ANK3: variants seen among roughly 807,000 people sequenced by gnomAD.
The protein encoded by ANK3 is ankyrin 3.
In ANK3, 57 loss-of-function variants were observed where a neutral mutation model predicts 370.9. The ratio of observed to expected loss-of-function variants is 0.15; its 90% confidence interval spans 0.12 to 0.19. The LOEUF is 0.19. Among genes scored for constraint, ANK3 ranks in the 10% least tolerant of loss-of-function variants. The probability of loss-of-function intolerance (pLI) is 1.00; values close to 1 mark genes in which losing one functional copy is unlikely to be tolerated. For missense variants in ANK3, 4,439 were observed against 5,302.1 expected (o/e 0.84, Z 5.06); for synonymous variants, 1,929 against 1,946.3 (o/e 0.99, Z 0.23).
intron 1 of ANK3, among the ~76,000 whole-genome samples, chr10:60,297,686 T>C (rs950070303): frequency 3.9e-5 from 6 of 152,158 alleles, no homozygotes; most frequent in African/African-American, 1.4e-4. Context: ...TAAATTCTTT[T>C]TGGTCTTACA....
chr10:60,304,255 AACACAC>A lies in ANK3; in HGVS notation c.115-24622_115-24617del, dbSNP rs55989975. On this transcript the variant is annotated intron_variant, in intron 1 of 43. Transcript: ENST00000280772. Reference sequence around the variant, plus strand: ...GAAAGGGTAGATCTTAATTGTTCATAACACACACACACACACACACACAGCAAAAAA... The same window carrying A: ...GAAAGGGTAGATCTTAATTGTTCATAACACACACACACACACAGCAAAAAA... Among the ~76,000 whole-genome samples, 119 of 150,252 alleles carry A rather than the reference AACACAC, an allele frequency of 7.9e-4. 1 individual carries two copies. The highest frequency in any genetic ancestry group is 2.8e-3 in the African/African-American group (114 of 40,958).
chr10:60,715,576 G>T (rs1473392973), intron 1 of ANK3, among the ~76,000 whole-genome samples: 2 of 151,908 alleles, frequency 1.3e-5, no homozygotes, highest in Admixed American at 6.6e-5. Context: ...CAGGCAGGAG[G>T]GTATATTTGG....
At chr10:60,415,803 A>G (rs1479322761) in intron 2 of ANK3, among the ~76,000 whole-genome samples, 1 of 152,056 alleles carries the variant, frequency 6.6e-6, no homozygotes, top group Non-Finnish European at 1.5e-5. Flanking sequence ...TTTAATGGGC[A>G]ATAGGTGCAT....
intron 2 of ANK3, among the ~76,000 whole-genome samples, chr10:60,534,573 TAC>T (rs1472464690): frequency 3.9e-5 from 6 of 152,128 alleles, no homozygotes; most frequent in African/African-American, 1.4e-4. Context: ...TACATCTCAT[TAC>T]TGTAGGGCAG....
intron 1 of ANK3, among the ~76,000 whole-genome samples, chr10:60,387,870 T>C (rs1054722953): frequency 6.6e-6 from 1 of 152,220 alleles, no homozygotes; most frequent in Non-Finnish European, 1.5e-5. Context: ...CGAAAACTGC[T>C]GTACATAAAC....
At chr10:60,672,757 A>G (rs1030465831) in intron 1 of ANK3, among the ~76,000 whole-genome samples, 2 of 152,254 alleles carry the variant, frequency 1.3e-5, no homozygotes, top group Admixed American at 1.3e-4. Context: ...TCAGAAGCAT[A>G]GGTGACAATC....
intron 8 of ANK3, among the ~76,000 whole-genome samples, chr10:60,232,283 G>A (rs923673657): frequency 5.9e-5 from 9 of 152,016 alleles, no homozygotes; most frequent in Non-Finnish European, 8.8e-5. Flanking sequence ...CTGTATATCC[G>A]GGCACCTCTT....
intron 2 of ANK3, among the ~76,000 whole-genome samples, chr10:60,555,659 T>G (rs939395668): frequency 6.6e-6 from 1 of 152,124 alleles, no homozygotes; most frequent in Admixed American, 6.6e-5. Flanking sequence ...TTGTAGCATA[T>G]GTCATGACTA....
Position 60,620,912 on chromosome 10 carries a change from C to T in ANK3, c.58-5688G>A, listed in dbSNP as rs927774352. On this transcript the variant is annotated intron_variant, in intron 1 of 43. Transcript: ENST00000373827. ...AAGCCATATTTGATCATTTAAACAACGTGAGGTAGGAATTAGTATTGTTCT... is the reference window on the plus strand; with the variant it reads ...AAGCCATATTTGATCATTTAAACAATGTGAGGTAGGAATTAGTATTGTTCT... Among the ~76,000 whole-genome samples the T allele has an allele frequency of 5.3e-5, 8 of 152,034 alleles. No homozygotes were observed. The East Asian group carries it at 1.2e-3, about 22-fold the overall frequency.
At chr10:60,612,937 C>G (rs1029658583) in intron 2 of ANK3, among the ~76,000 whole-genome samples, 4 of 152,194 alleles carry the variant, frequency 2.6e-5, no homozygotes, top group African/African-American at 9.6e-5. Flanking sequence ...ACCACACATT[C>G]ATTTCAGAAG....
intron 2 of ANK3, among the ~76,000 whole-genome samples, chr10:60,496,953 T>C (rs1336299511): frequency 1.3e-5 from 2 of 152,174 alleles, no homozygotes; most frequent in Non-Finnish European, 2.9e-5. Flanking sequence ...AAAGGACTTG[T>C]TGCAGAAAGC....
At chr10:60,271,016 G>A (rs2097969413) in intron 4 of ANK3, among the ~76,000 whole-genome samples, 1 of 151,568 alleles carries the variant, frequency 6.6e-6, no homozygotes, top group South Asian at 2.1e-4. Context: ...CAAAGAATTT[G>A]GATTCAAGCA....
intron 27 of ANK3, among the ~76,000 whole-genome samples, chr10:60,106,743 T>C (rs2092224832): frequency 1.3e-5 from 2 of 152,152 alleles, no homozygotes; most frequent in Non-Finnish European, 2.9e-5. Flanking sequence ...AGTGTCCTTT[T>C]GCAAAGGAAT....
intron 1 of ANK3, among the ~76,000 whole-genome samples, chr10:60,335,868 A>C (rs552263197): frequency 2.7e-4 from 41 of 152,278 alleles, no homozygotes; most frequent in African/African-American, 9.9e-4. Context: ...AGAGAGGTGG[A>C]GACACTTGTC....
chr10:60,497,410 G>A (rs2075686752), intron 2 of ANK3, among the ~76,000 whole-genome samples: 1 of 152,136 alleles, frequency 6.6e-6, no homozygotes, highest in South Asian at 2.1e-4. Context: ...ATTTAAATAT[G>A]CTTAACCCCA....
intron 14 of ANK3, 133 bp from the exon 15 acceptor site, chr10:60,196,758 A>T (rs187993611): frequency 1.6e-6 from 1 of 612,096 alleles, no homozygotes; most frequent in African/African-American, 1.8e-5. Context: ...CTGATTAATT[A>T]TTCTATTGAT....
At chr10:60,659,718 A>G (rs1477016094) in intron 1 of ANK3, among the ~76,000 whole-genome samples, 2 of 152,100 alleles carry the variant, frequency 1.3e-5, no homozygotes, top group Non-Finnish European at 2.9e-5. Flanking sequence ...GCTTTAAGGT[A>G]CATTGTTGTA....
intron 21 of ANK3, among the ~76,000 whole-genome samples, chr10:60,171,632 T>C (rs1489767514): frequency 6.6e-6 from 1 of 152,194 alleles, no homozygotes; most frequent in Non-Finnish European, 1.5e-5. Flanking sequence ...ATTCCAAAGT[T>C]ACCAAATGTT....
intron 1 of ANK3, among the ~76,000 whole-genome samples, chr10:60,309,945 A>T (rs568049744): frequency 6.7e-4 from 80 of 119,898 alleles, no homozygotes; most frequent in Admixed American, 2.4e-3. Flanking sequence ...TTTTGTTTTG[A>T]GACAGGATCT....
Sources: allele counts gnomAD v4.1 joint callset (sites outside exome capture counted in the v4.1 genomes callset), GRCh38; gene constraint gnomAD v4.1.1; transcripts MANE v1.5; gene names NCBI Gene and HGNC (gene_info 2026-07-23, HGNC 2026-07-21).